Variants in PTN observed in about 807,000 individuals in gnomAD.
PTN encodes the protein pleiotrophin, also known as heparin affin regulatory protein.
PTN carries 18 observed loss-of-function variants against 24.1 expected under a neutral mutation model. That is an observed-to-expected ratio of 0.75 (90% CI 0.52 to 1.11). The LOEUF (loss-of-function observed/expected upper bound fraction) is 1.11, where lower values mean the gene tolerates loss of function less well. Ranked by LOEUF, PTN falls within the 50% of genes least tolerant of loss-of-function variation. The pLI, the probability that PTN is intolerant of heterozygous loss-of-function variation, is 0.00. For missense variants in PTN, 163 were observed against 198.8 expected (o/e 0.82, Z 1.08); for synonymous variants, 78 against 68.6 (o/e 1.14, Z -0.67).
intron 1 of PTN, among the ~76,000 whole-genome samples, chr7:137,342,113 A>G (rs1342228620): frequency 6.6e-6 from 1 of 152,190 alleles, no homozygotes; most frequent in Non-Finnish European, 1.5e-5. Context: ...CATTGTCATT[A>G]ACTTTCAATA....
At chr7:137,246,914 G>A (rs1475373948) in intron 4 of PTN, among the ~76,000 whole-genome samples, 2 of 152,160 alleles carry the variant, frequency 1.3e-5, no homozygotes, top group African/African-American at 2.4e-5. Flanking sequence ...TAACATTTCT[G>A]AGCCTATGCT....
intron 1 of PTN, among the ~76,000 whole-genome samples, chr7:137,298,186 A>T (rs1250842036): frequency 4.6e-5 from 7 of 152,058 alleles, no homozygotes; most frequent in Admixed American, 4.6e-4. Context: ...AATTTTTGAC[A>T]GTCCTGAGGT....
intron 4 of PTN, among the ~76,000 whole-genome samples, chr7:137,245,436 G>T (rs1182826013): frequency 1.3e-5 from 2 of 152,214 alleles, no homozygotes; most frequent in African/African-American, 4.8e-5. Flanking sequence ...CATGTCTGTG[G>T]TGATGCGGAT....
intron 1 of PTN, among the ~76,000 whole-genome samples, chr7:137,339,476 G>A (rs758170781): frequency 6.7e-6 from 1 of 149,104 alleles, no homozygotes; most frequent in Non-Finnish European, 1.5e-5. Flanking sequence ...CTCCAGCTGC[G>A]CCTCTACATT....
chr7:137,266,493 C>T (rs116320987), intron 1 of PTN, among the ~76,000 whole-genome samples: 2,865 of 144,484 alleles, frequency 0.02, 103 homozygotes, highest in African/African-American at 0.075. Flanking sequence ...CCACGACTTT[C>T]GCAGACAATT....
chr7:137,266,384 C>T (rs1163559211), intron 1 of PTN, among the ~76,000 whole-genome samples: 2 of 152,150 alleles, frequency 1.3e-5, no homozygotes, highest in Non-Finnish European at 2.9e-5. Flanking sequence ...TCCTTATACA[C>T]CTTGCACATA....
rs906444583 is a variant in PTN, at chr7:137,311,945, C to A, written c.-2+31494G>T. 2.9e-4 allele frequency among the ~76,000 whole-genome samples: 37 copies of A among 128,462 alleles called. 2 individuals are homozygous for A. The highest frequency in any genetic ancestry group is 1.0e-4 in the African/African-American group (2 of 19,546). The allele number at this position is 128,462 out of a possible 152,430, so 84.3% of individuals were successfully genotyped here. ...TGCTCAATGCAGGGTTACCACAGATCTTCCATCTGTAAAATATGCAATCTC... is the reference window on the plus strand; with the variant it reads ...TGCTCAATGCAGGGTTACCACAGATATTCCATCTGTAAAATATGCAATCTC... On this transcript the variant is annotated intron_variant, in intron 1 of 4. Coordinates refer to ENST00000348225, the MANE Select transcript of PTN (RefSeq NM_002825.7).
chr7:137,323,927 A>C (rs1160864319), intron 1 of PTN, among the ~76,000 whole-genome samples: 3 of 152,180 alleles, frequency 2.0e-5, no homozygotes, highest in African/African-American at 4.8e-5. Flanking sequence ...CACAGATCGT[A>C]ATCTAGGAAA....
At chr7:137,330,781 C>T (rs1427970864) in intron 1 of PTN, among the ~76,000 whole-genome samples, 1 of 152,132 alleles carries the variant, frequency 6.6e-6, no homozygotes, top group African/African-American at 2.4e-5. Flanking sequence ...CAGGTTTGCT[C>T]CACAGAGCTG....
intron 4 of PTN, among the ~76,000 whole-genome samples, chr7:137,250,882 A>G (rs1218494670): frequency 6.6e-6 from 1 of 152,240 alleles, no homozygotes; most frequent in East Asian, 1.9e-4. Context: ...TGTCTCCGTC[A>G]TAAACATTCT....
chr7:137,240,001 T>C (rs1464067287), intron 4 of PTN, among the ~76,000 whole-genome samples: 1 of 152,118 alleles, frequency 6.6e-6, no homozygotes, highest in Non-Finnish European at 1.5e-5. Context: ...TCTGCTTGTT[T>C]CGTTTAGAAC....
At chr7:137,315,762 C>A (rs546875147) in intron 1 of PTN, among the ~76,000 whole-genome samples, 1 of 152,032 alleles carries the variant, frequency 6.6e-6, no homozygotes, top group African/African-American at 2.4e-5. Flanking sequence ...CATAGAAGGG[C>A]GGCTTTGGAG....
At chr7:137,255,061 C>A in intron 1 of PTN, 87 bp from the exon 2 acceptor site, 1 of 831,714 alleles carries the variant, frequency 1.2e-6, no homozygotes, top group South Asian at 3.4e-5. Flanking sequence ...AAAGGCTCCA[C>A]TTTCCATTTC....
Position 137,251,329 on chromosome 7 carries a change from T to C in PTN, c.352A>G (p.Arg118Gly). Residue 118 changes from arginine to glycine, a missense_variant, in exon 4 of 5, where the codon AGA becomes GGA. Coordinates refer to ENST00000348225, the MANE Select transcript of PTN (RefSeq NM_002825.7). ...ECDLNTALKT[R>G]TGSLKRALHN... The stretch of plus-strand genomic sequence containing the variant: ...AGGGCTCGCTTCAGACTTCCAGTTC[T>C]GGTCTTCAGGGCTGTGTTCAGGTCA... The C allele has an allele frequency of 6.2e-7, 1 of 1,614,166 alleles. No homozygotes were observed. The highest frequency in any genetic ancestry group is 8.5e-7 in the Non-Finnish European group (1 of 1,180,002).
intron 4 of PTN, among the ~76,000 whole-genome samples, chr7:137,242,413 A>T (rs994341449): frequency 1.3e-5 from 2 of 151,992 alleles, no homozygotes; most frequent in Non-Finnish European, 2.9e-5. Context: ...TATGGACAGC[A>T]GGAGGGACTG....
intron 1 of PTN, among the ~76,000 whole-genome samples, chr7:137,266,214 G>A (rs1809141827): frequency 6.6e-6 from 1 of 152,054 alleles, no homozygotes; most frequent in African/African-American, 2.4e-5. Flanking sequence ...ACTTTTTTAA[G>A]TTTAGCTAAT....
rs182766280 is a variant in PTN at position 137,287,994 on chromosome 7, C to T, written c.-1-33020G>A. Among the ~76,000 whole-genome samples, 82 of 152,154 alleles carry T rather than the reference C, an allele frequency of 5.4e-4. 2 individuals carry two copies. The highest frequency in any genetic ancestry group is 4.7e-3 in the Admixed American group (72 of 15,282). Reference sequence around the variant, plus strand: ...GCAAAGCTAATTTTATTAAACCTACCGCAGCAGCAAAGAGGATAACCTTGA... The same window carrying T: ...GCAAAGCTAATTTTATTAAACCTACTGCAGCAGCAAAGAGGATAACCTTGA... On this transcript the variant is annotated intron_variant, in intron 1 of 4. Transcript: ENST00000348225.
At chr7:137,236,196 C>T (rs1311194789) in intron 4 of PTN, 2 of 702,370 alleles carry the variant, frequency 2.8e-6, no homozygotes, top group African/African-American at 1.7e-5. Flanking sequence ...CTCCTCTCTA[C>T]CATCTTCTCA....
chr7:137,245,500 T>C (rs1808707537), intron 4 of PTN, among the ~76,000 whole-genome samples: 1 of 152,248 alleles, frequency 6.6e-6, no homozygotes, highest in Admixed American at 6.5e-5. Flanking sequence ...CAGACAATTA[T>C]GTATAGTCAT....
Sources: gnomAD v4.1 joint callset for allele counts (sites outside exome capture counted in the v4.1 genomes callset) on GRCh38, gnomAD v4.1.1 for gene constraint, MANE v1.5 for transcripts, NCBI Gene and HGNC (gene_info 2026-07-23, HGNC 2026-07-21) for gene names.